DLGAP4: variants seen among roughly 807,000 people sequenced by gnomAD.
DLGAP4 encodes DLG associated protein 4, also known as disks large-associated protein 4.
A neutral mutation model predicts 86.9 loss-of-function variants in DLGAP4; 18 were observed. The ratio of observed to expected loss-of-function variants is 0.21; its 90% CI spans 0.14 to 0.31. The LOEUF (loss-of-function observed/expected upper bound fraction) is 0.31, where lower values mean the gene tolerates loss of function less well. Among genes scored for constraint, DLGAP4 ranks in the 10% least tolerant of loss-of-function variants. The pLI is 1.00. For synonymous variants in DLGAP4, 548 were observed against 574.3 expected (o/e 0.95, Z 0.65); for missense variants, 1,085 against 1,362.6 (o/e 0.80, Z 3.21).
In DLGAP4 at chr20:36,441,856, G is replaced by A. The variant is rs566507434; in HGVS notation, c.1357-871G>A. 5.3e-5 allele frequency among the ~76,000 whole-genome samples: 8 copies of A among 151,900 alleles called. No homozygotes were observed. The South Asian group carries it at 1.3e-3, about 24-fold the overall frequency. On this transcript the variant is annotated intron_variant, in intron 5 of 12. Coordinates refer to ENST00000339266, the MANE Select transcript of DLGAP4 (RefSeq NM_001365621.2). ...CTCTACACATCCCATCTCCACCCCCGCCTGGGCCTGGCACCCAGGACACCT... is the reference window on the plus strand; with the variant it reads ...CTCTACACATCCCATCTCCACCCCCACCTGGGCCTGGCACCCAGGACACCT...
chr20:36,520,184 A>G (rs1267355341), intron 10 of DLGAP4, among the ~76,000 whole-genome samples: 1 of 152,156 alleles, frequency 6.6e-6, no homozygotes, highest in Admixed American at 6.6e-5. Flanking sequence ...CTGAACATCT[A>G]TCTTTGGAGA....
At chr20:36,491,396 G>A (rs1364461731) in intron 7 of DLGAP4, among the ~76,000 whole-genome samples, 1 of 152,130 alleles carries the variant, frequency 6.6e-6, no homozygotes, top group African/African-American at 2.4e-5. Flanking sequence ...CGCACAACTG[G>A]CTTGTGTCTG....
intron 1 of DLGAP4, among the ~76,000 whole-genome samples, chr20:36,315,436 C>A (rs1177212701): frequency 1.7e-4 from 1 of 6,044 alleles, no homozygotes; most frequent in African/African-American, 9.0e-4. Flanking sequence ...TCAAGGCTGG[C>A]TGCGTGGGCT....
rs1215029051 is a variant in DLGAP4, at chr20:36,308,148, C to G, written c.-304+1636C>G. On this transcript the variant is annotated intron_variant, in intron 1 of 12. Transcript: ENST00000339266. The surrounding 1 kb of genome is among the most constrained non-coding windows in gnomAD (Gnocchi z 4.5). ...GGGGCTGGCTAGAGTGCCTGTCTCC[C>G]GCTGTGGCAGGGGTAGGCCAGGGAT... 1.3e-5 allele frequency among the ~76,000 whole-genome samples: 2 copies of G among 152,318 alleles called. No homozygotes were observed. Among genetic ancestry groups the G allele is most frequent in the Admixed American group, 6.5e-5 (1 of 15,298 alleles).
intron 10 of DLGAP4, among the ~76,000 whole-genome samples, chr20:36,509,982 G>A (rs2036599200): frequency 1.3e-5 from 2 of 151,722 alleles, no homozygotes; most frequent in South Asian, 4.1e-4. Context: ...CCAGCCTCCT[G>A]AGCAGCTGGG....
intron 10 of DLGAP4, among the ~76,000 whole-genome samples, chr20:36,509,221 A>G (rs2036551477): frequency 6.6e-6 from 1 of 152,098 alleles, no homozygotes; most frequent in Non-Finnish European, 1.5e-5. Flanking sequence ...TCAGGAGTTC[A>G]AAACTAGCCT....
chr20:36,524,105 A>G, intron 10 of DLGAP4, 145 bp from the exon 11 acceptor site: 1 of 697,934 alleles, frequency 1.4e-6, no homozygotes. Context: ...GAATGGATTA[A>G]TGTGTAGATA....
At chr20:36,388,431 C>T (rs914794030) in intron 2 of DLGAP4, among the ~76,000 whole-genome samples, 1 of 152,150 alleles carries the variant, frequency 6.6e-6, no homozygotes, top group Non-Finnish European at 1.5e-5. Context: ...CCAGAACACA[C>T]GTCCCTCCCC....
chr20:36,410,888 C>T (rs978837388), intron 2 of DLGAP4, among the ~76,000 whole-genome samples: 1 of 152,190 alleles, frequency 6.6e-6, no homozygotes, highest in South Asian at 2.1e-4. Context: ...GGTGCCACAG[C>T]GAGGTTGTGC....
chr20:36,339,733 A>G (rs1484179061), intron 1 of DLGAP4, among the ~76,000 whole-genome samples: 1 of 152,218 alleles, frequency 6.6e-6, no homozygotes, highest in African/African-American at 2.4e-5. Context: ...GCGGGGCACA[A>G]ACTCCCAGTG....
At chr20:36,327,014 T>G (rs1381175115) in intron 1 of DLGAP4, among the ~76,000 whole-genome samples, 6 of 147,212 alleles carry the variant, frequency 4.1e-5, no homozygotes, top group Admixed American at 1.3e-4. Flanking sequence ...TTTTTTTTTT[T>G]TTTTTGAGAC....
intron 1 of DLGAP4, among the ~76,000 whole-genome samples, chr20:36,334,968 C>T (rs1004775285): frequency 6.6e-6 from 1 of 152,172 alleles, no homozygotes; most frequent in South Asian, 2.1e-4. Flanking sequence ...CATTTTAATT[C>T]TCCGACAGTC....
At chr20:36,409,338 A>G (rs1043661572) in intron 2 of DLGAP4, among the ~76,000 whole-genome samples, 1 of 151,874 alleles carries the variant, frequency 6.6e-6, no homozygotes, top group Non-Finnish European at 1.5e-5. Flanking sequence ...ACAACCTAAA[A>G]GACTTATTTT....
intron 2 of DLGAP4, among the ~76,000 whole-genome samples, chr20:36,371,211 G>A (rs1010497538): frequency 1.3e-5 from 2 of 152,188 alleles, no homozygotes; most frequent in Non-Finnish European, 2.9e-5. Flanking sequence ...CAGCTCTGTG[G>A]GGCCCTGAAC....
rs1428131831 is a variant in DLGAP4 at position 36,527,181 on chromosome 20, T to G, written c.*150T>G. On this transcript the variant is annotated 3_prime_UTR_variant, in exon 13 of 13. Coordinates refer to ENST00000339266, the MANE Select transcript of DLGAP4 (RefSeq NM_001365621.2). ...AATTGACGCATACAAGGGCTCACAA[T>G]TTGGCTTTTTTGGGTCCCTCCCAGC... is the stretch of plus-strand genomic sequence containing the variant. 1 of 704,008 alleles carries G rather than the reference T, an allele frequency of 1.4e-6. No individual in the cohort carries two copies. The highest frequency in any genetic ancestry group is 2.2e-6 in the Non-Finnish European group (1 of 461,204). The allele number at this position is 704,008 out of a possible 1,614,324, so 43.6% of individuals were successfully genotyped here. A position where few individuals can be genotyped will look rare whatever the true frequency, so the allele number is the denominator to read the frequency against.
At chr20:36,325,786 G>A (rs1013944193) in intron 1 of DLGAP4, among the ~76,000 whole-genome samples, 29 of 150,406 alleles carry the variant, frequency 1.9e-4, no homozygotes, top group African/African-American at 6.6e-4. Context: ...GCACGATCTC[G>A]GCTCACTGCA....
chr20:36,314,146 C>G (rs1052121411), intron 1 of DLGAP4, among the ~76,000 whole-genome samples: 1 of 151,768 alleles, frequency 6.6e-6, no homozygotes, highest in Admixed American at 6.6e-5. Context: ...GGAGCAGAAG[C>G]GCGTGCAGAG....
At chr20:36,516,348 C>T (rs527988161) in intron 10 of DLGAP4, among the ~76,000 whole-genome samples, 4 of 152,188 alleles carry the variant, frequency 2.6e-5, no homozygotes, top group Admixed American at 6.5e-5. Flanking sequence ...TCTAGTACTT[C>T]GCATGCCATG....
chr20:36,503,612 C>T (rs567308026), intron 10 of DLGAP4, among the ~76,000 whole-genome samples: 1 of 151,910 alleles, frequency 6.6e-6, no homozygotes, highest in Non-Finnish European at 1.5e-5. Flanking sequence ...CTCAGCCTCC[C>T]CAGTAGCTGG....
Sources: allele counts gnomAD v4.1 joint callset (sites outside exome capture counted in the v4.1 genomes callset), GRCh38; gene constraint gnomAD v4.1.1; non-coding constraint Gnocchi (gnomAD v3.1); transcripts MANE v1.5; gene names NCBI Gene and HGNC (gene_info 2026-07-23, HGNC 2026-07-21).